SACM1L: variants seen among roughly 807,000 people sequenced by gnomAD.
SACM1L encodes phosphatidylinositol-3-phosphatase SAC1.
In SACM1L, 32 loss-of-function variants were observed where a neutral mutation model predicts 89.5. The observed-to-expected ratio is 0.36, with a 90% CI of 0.27 to 0.48. The LOEUF is 0.48. Ranked by LOEUF, SACM1L falls within the 20% of genes least tolerant of loss-of-function variation. The probability of loss-of-function intolerance (pLI) is 0.99; values close to 1 mark genes in which losing one functional copy is unlikely to be tolerated. For missense variants in SACM1L, 543 were observed against 708.5 expected (o/e 0.77, Z 2.65); for synonymous variants, 213 against 232.8 (o/e 0.92, Z 0.77).
chr3:45,721,748 A>G (rs547331853), intron 8 of SACM1L, among the ~76,000 whole-genome samples: 25 of 152,280 alleles, frequency 1.6e-4, no homozygotes, highest in African/African-American at 5.8e-4. Flanking sequence ...GAAACAATGT[A>G]TTTAAGAGCA....
At chr3:45,734,491 CTG>C (rs1699154532) in intron 13 of SACM1L, 1 of 152,040 alleles carries the variant, frequency 6.6e-6, no homozygotes, top group African/African-American at 2.4e-5. Context: ...GGATATCGCT[CTG>C]TCACCCAGGC....
intron 8 of SACM1L, among the ~76,000 whole-genome samples, chr3:45,721,117 C>T (rs1389723197): frequency 2.6e-5 from 4 of 152,212 alleles, no homozygotes; most frequent in Non-Finnish European, 2.9e-5. Flanking sequence ...TGAGCATATT[C>T]ATGGAGTTAC....
chr3:45,736,292 A>T (rs866765057), intron 14 of SACM1L, among the ~76,000 whole-genome samples: 1 of 152,218 alleles, frequency 6.6e-6, no homozygotes, highest in Non-Finnish European at 1.5e-5. Flanking sequence ...GCTTTGCTTT[A>T]CCACTAGACT....
chr3:45,737,578 T>A lies in SACM1L; in HGVS notation c.1240-5T>A, dbSNP rs1699228501. 3 of 1,592,310 alleles carry A rather than the reference T, an allele frequency of 1.9e-6. No homozygotes were observed. In the East Asian group the frequency reaches 6.7e-5, roughly 36 times the overall value. ...CATAAATCTGGGTGTGGTTTTTTAT[T>A]CCAGAGACTAGGAGTTTTGCATGTG... On this transcript the variant is annotated splice_polypyrimidine_tract_variant and splice_region_variant and intron_variant, in intron 14 of 19. Transcript: ENST00000389061.
chr3:45,722,951 A>G lies in SACM1L; in HGVS notation c.848A>G (p.Asn283Ser), dbSNP rs752574474. The change falls in exon 10 of 20, where the codon AAT (asparagine) becomes AGT (serine). Residue 283 changes from asparagine (N) to serine (S), a missense_variant. This residue lies in a region of SACM1L where 370 missense variants were observed against 527.6 expected (regional missense o/e 0.70). Transcript: ENST00000389061. ...KPLPQISKVA[N>S]HMDGFQRHFD... ...CTGCCACAGATCAGCAAAGTAGCAA[A>G]TCACGTGTGTATCTTGCATGCCTTT... 4.3e-6 allele frequency: 7 copies of G among 1,612,200 alleles called. No individual in the cohort carries two copies. In the African/African-American group the frequency reaches 6.7e-5, roughly 15 times the overall value.
intron 1 of SACM1L, among the ~76,000 whole-genome samples, chr3:45,698,623 T>TCAGTGCAACCTCCGCC (rs1553650192): frequency 2.0e-5 from 3 of 152,246 alleles, no homozygotes; most frequent in African/African-American, 7.2e-5. Flanking sequence ...CAATCTCTGC[T>TCAGTGCAACCTCCGCC]CACTGCAACC....
Position 45,722,027 on chromosome 3 carries a change from A to T in SACM1L, c.707A>T (p.Asn236Ile). 1 of 1,612,684 alleles carries T rather than the reference A, an allele frequency of 6.2e-7. No homozygotes were observed. Among genetic ancestry groups the T allele is most frequent in the Non-Finnish European group, 8.5e-7 (1 of 1,179,282 alleles). ...RGIDSEGHAANFVETEQIVHY... is the reference protein window; with the variant it reads ...RGIDSEGHAAIFVETEQIVHY... ...ATTGATTCGGAAGGCCATGCAGCTA[A>T]CTTTGTAGAAACAGAACAAATTGTG... The change falls in exon 9 of 20, where the codon AAC (asparagine) becomes ATC (isoleucine). Residue 236 changes from asparagine (N) to isoleucine (I), a missense_variant. Physicochemically the swap from Asn to Ile is moderately radical, Grantham distance 149. Coordinates refer to ENST00000389061, the MANE Select transcript of SACM1L (RefSeq NM_014016.5).
chr3:45,693,677 T>C (rs897409404), intron 1 of SACM1L, among the ~76,000 whole-genome samples: 27 of 152,248 alleles, frequency 1.8e-4, no homozygotes, highest in Non-Finnish European at 2.9e-5. Context: ...TGACCTTTTT[T>C]TCTCTTACCA....
At chr3:45,722,224 A>G in intron 9 of SACM1L, 139 bp downstream of exon 9, 1 of 597,784 alleles carries the variant, frequency 1.7e-6, no homozygotes. Context: ...GAAAAAGTTC[A>G]CCCCAAAAAA....
Position 45,743,854 on chromosome 3 carries a change from TA to T in SACM1L, c.*186del. 1 of 476,758 alleles carries T rather than the reference TA, an allele frequency of 2.1e-6. No homozygotes were observed. The allele number at this position is 476,758 out of a possible 1,614,324, so 29.5% of individuals were successfully genotyped here. On this transcript the variant is annotated 3_prime_UTR_variant, in exon 20 of 20. Coordinates refer to ENST00000389061, the MANE Select transcript of SACM1L (RefSeq NM_014016.5). ...GTTACTGCCTTGATGGTCTCTTTACTATTGGGACAGTTAGATTTATAATTTG... is the reference window on the plus strand; with the variant it reads ...GTTACTGCCTTGATGGTCTCTTTACTTTGGGACAGTTAGATTTATAATTTG...
At chr3:45,740,683 C>T (rs1201757807) in intron 19 of SACM1L, among the ~76,000 whole-genome samples, 2 of 152,132 alleles carry the variant, frequency 1.3e-5, no homozygotes, top group Non-Finnish European at 2.9e-5. Context: ...AAGCTAACCA[C>T]TCTTAACATT....
intron 15 of SACM1L, 54 bp downstream of exon 15, chr3:45,737,706 T>C: frequency 6.3e-7 from 1 of 1,577,436 alleles, no homozygotes; most frequent in Middle Eastern, 1.7e-4. Flanking sequence ...AATAAATTAA[T>C]ATTCTGGATT....
intron 2 of SACM1L, among the ~76,000 whole-genome samples, chr3:45,704,485 A>G (rs1698341060): frequency 6.6e-6 from 1 of 151,994 alleles, no homozygotes; most frequent in Non-Finnish European, 1.5e-5. Flanking sequence ...GACATTTCCT[A>G]TTTGTCTGTT....
intron 19 of SACM1L, chr3:45,742,881 G>A (rs1699345950): frequency 6.6e-6 from 1 of 152,182 alleles, no homozygotes; most frequent in African/African-American, 2.4e-5. Flanking sequence ...GAAACAGCAG[G>A]ACAAAACTTT....
At chr3:45,743,382 C>A in intron 19 of SACM1L, 151 bp from the exon 20 acceptor site, 1 of 743,596 alleles carries the variant, frequency 1.3e-6, no homozygotes, top group Non-Finnish European at 2.1e-6. Flanking sequence ...GTTTGAGAAC[C>A]ACTGGTTTAA....
At chr3:45,692,201 C>T (rs547411601) in intron 1 of SACM1L, among the ~76,000 whole-genome samples, 2 of 152,286 alleles carry the variant, frequency 1.3e-5, no homozygotes, top group African/African-American at 4.8e-5. Flanking sequence ...CATATCTTAA[C>T]TTGACTACTT....
rs151110231 is a variant in SACM1L at position 45,738,806 on chromosome 3, A to G, written c.1502A>G (p.Asn501Ser). The G allele has an allele frequency of 1.2e-6, 2 of 1,610,630 alleles. No homozygotes were observed. Among genetic ancestry groups the G allele is most frequent in the Admixed American group, 1.7e-5 (1 of 59,958 alleles). The change falls in exon 18 of 20, where the codon AAC becomes AGC. Residue 501 changes from asparagine (N) to serine (S), a missense_variant. This residue lies in a region of SACM1L where 370 missense variants were observed against 527.6 expected (regional missense o/e 0.70). Transcript: ENST00000389061. ...RQDSIDLFLG[N>S]YSVDELESHS... ...GATTCCATAGACTTATTTCTTGGAAACTATTCAGTGGATGAATTAGAATCT... is the reference window on the plus strand; with the variant it reads ...GATTCCATAGACTTATTTCTTGGAAGCTATTCAGTGGATGAATTAGAATCT...
At chr3:45,689,961 G>C (rs186550595) in intron 1 of SACM1L, 1 of 167,602 alleles carries the variant, frequency 6.0e-6, no homozygotes, top group Admixed American at 5.9e-5. Flanking sequence ...TCTGGGTACC[G>C]AAGCCTGCCT....
In SACM1L at chr3:45,743,634, G is replaced by A. The variant is rs558613899; in HGVS notation, c.1729G>A (p.Ala577Thr). The A allele has an allele frequency of 3.1e-5, 50 of 1,613,704 alleles. No homozygotes were observed. Among genetic ancestry groups the A allele is most frequent in the Non-Finnish European group, 3.5e-5 (41 of 1,179,896 alleles). Residue 577 changes from alanine to threonine, a missense_variant, in exon 20 of 20, where the codon GCT (alanine) becomes ACT (threonine). Ala to Thr is a moderately conservative substitution (Grantham distance 58). This residue lies in a region of SACM1L where 370 missense variants were observed against 527.6 expected (regional missense o/e 0.70). Coordinates refer to ENST00000389061, the MANE Select transcript of SACM1L (RefSeq NM_014016.5). ...ILYNGKDFVD[A>T]PRLVQKEKID Reference sequence around the variant, plus strand: ...TTACAATGGCAAAGATTTTGTCGATGCTCCCAGACTGGTCCAGAAAGAAAA... The same window carrying A: ...TTACAATGGCAAAGATTTTGTCGATACTCCCAGACTGGTCCAGAAAGAAAA...
Sources: allele counts gnomAD v4.1 joint callset (sites outside exome capture counted in the v4.1 genomes callset), GRCh38; gene constraint gnomAD v4.1.1; regional missense constraint gnomAD v4.1.1; transcripts MANE v1.5; gene names NCBI Gene and HGNC (gene_info 2026-07-23, HGNC 2026-07-21).